Variants in MYO1D observed in about 807,000 individuals in gnomAD.
MYO1D encodes the protein unconventional myosin-Id.
A neutral mutation model predicts 122.0 loss-of-function variants in MYO1D; 83 were observed. That is an observed-to-expected ratio of 0.68 (90% CI 0.57 to 0.82). The LOEUF is 0.82. MYO1D is among the 40% of genes least tolerant of loss of function. The pLI is 0.00. For missense variants in MYO1D, 1,157 were observed against 1,269.5 expected (o/e 0.91, Z 1.35); for synonymous variants, 464 against 446.9 (o/e 1.04, Z -0.48).
At chr17:32,553,338 G>C (rs1266541130) in intron 21 of MYO1D, among the ~76,000 whole-genome samples, 1 of 152,198 alleles carries the variant, frequency 6.6e-6, no homozygotes, top group Non-Finnish European at 1.5e-5. Flanking sequence ...GCAGAAGGCT[G>C]AATAGGACTG....
chr17:32,674,014 G>T (rs1485623502), intron 16 of MYO1D, among the ~76,000 whole-genome samples: 1 of 152,150 alleles, frequency 6.6e-6, no homozygotes, highest in East Asian at 1.9e-4. Flanking sequence ...GAGATAACTG[G>T]GAAACAACTA....
At chr17:32,868,872 C>T (rs934454763) in intron 1 of MYO1D, among the ~76,000 whole-genome samples, 3 of 152,074 alleles carry the variant, frequency 2.0e-5, no homozygotes, top group Non-Finnish European at 4.4e-5. Flanking sequence ...ATTCTCTTTT[C>T]CCACAAATGC....
chr17:32,575,820 C>T (rs1597906843), intron 21 of MYO1D, among the ~76,000 whole-genome samples: 1 of 152,196 alleles, frequency 6.6e-6, no homozygotes, highest in South Asian at 2.1e-4. Context: ...CTTTGCTCAA[C>T]TACCTGTAGT....
chr17:32,646,002 T>C (rs2088288352), intron 19 of MYO1D, among the ~76,000 whole-genome samples: 1 of 152,192 alleles, frequency 6.6e-6, no homozygotes, highest in African/African-American at 2.4e-5. Flanking sequence ...TTTTCAGTTT[T>C]TCTGCTCTGT....
chr17:32,607,724 A>T (rs960073789), intron 20 of MYO1D, among the ~76,000 whole-genome samples: 33 of 152,300 alleles, frequency 2.2e-4, no homozygotes, highest in African/African-American at 7.9e-4. Context: ...GTAAATGAAG[A>T]ATAAAGTTGG....
intron 1 of MYO1D, among the ~76,000 whole-genome samples, chr17:32,875,730 T>C (rs1370253944): frequency 1.3e-5 from 2 of 152,186 alleles, no homozygotes; most frequent in African/African-American, 4.8e-5. Context: ...GGGTAGTTAA[T>C]AATGAAATTA....
intron 16 of MYO1D, among the ~76,000 whole-genome samples, chr17:32,668,077 T>C (rs1267856863): frequency 6.6e-6 from 1 of 152,236 alleles, no homozygotes; most frequent in East Asian, 1.9e-4. Context: ...AAACACTCTG[T>C]GGAGCTGTAG....
chr17:32,776,070 G>T, intron 3 of MYO1D, 41 bp from the exon 4 acceptor site: 2 of 1,571,312 alleles, frequency 1.3e-6, no homozygotes, highest in South Asian at 1.2e-5. Flanking sequence ...AAAACTTATA[G>T]AGACTAGAAT....
intron 21 of MYO1D, among the ~76,000 whole-genome samples, chr17:32,552,553 A>G (rs2087027789): frequency 6.6e-6 from 1 of 151,432 alleles, no homozygotes; most frequent in Non-Finnish European, 1.5e-5. Context: ...TTATCCATCC[A>G]TCCACTCTTT....
intron 20 of MYO1D, among the ~76,000 whole-genome samples, chr17:32,615,014 T>C (rs2087754073): frequency 1.3e-5 from 2 of 152,358 alleles, no homozygotes; most frequent in South Asian, 2.1e-4. Context: ...AGCAGAGGCA[T>C]GCTGGCCTCA....
At chr17:32,601,560 A>G (rs1292004845) in intron 21 of MYO1D, among the ~76,000 whole-genome samples, 1 of 152,196 alleles carries the variant, frequency 6.6e-6, no homozygotes, top group East Asian at 1.9e-4. Flanking sequence ...ATATTATGAG[A>G]ATTATCAAAA....
chr17:32,498,556 C>G (rs1397962593), intron 21 of MYO1D: 1 of 152,216 alleles, frequency 6.6e-6, no homozygotes, highest in Admixed American at 6.5e-5. Flanking sequence ...ACATGAAACC[C>G]GAGCTGGGAG....
At chr17:32,528,609 T>C (rs907774290) in intron 21 of MYO1D, among the ~76,000 whole-genome samples, 1 of 152,116 alleles carries the variant, frequency 6.6e-6, no homozygotes, top group Admixed American at 6.5e-5. Flanking sequence ...GATGGGATTA[T>C]GTAAGGCTGC....
intron 1 of MYO1D, among the ~76,000 whole-genome samples, chr17:32,841,979 G>T (rs897656846): frequency 7.2e-5 from 11 of 152,258 alleles, no homozygotes; most frequent in African/African-American, 2.4e-4. Context: ...GTCTAGGGAA[G>T]CACAGAAGTA....
intron 16 of MYO1D, among the ~76,000 whole-genome samples, chr17:32,668,204 CAG>C (rs991765921): frequency 4.6e-5 from 7 of 152,130 alleles, no homozygotes; most frequent in Non-Finnish European, 7.3e-5. Flanking sequence ...TGTAGAACTA[CAG>C]AGTTTTGGTC....
chr17:32,575,655 T>C (rs2087272310), intron 21 of MYO1D, among the ~76,000 whole-genome samples: 1 of 152,138 alleles, frequency 6.6e-6, no homozygotes, highest in African/African-American at 2.4e-5. Context: ...CTGGGGTGTG[T>C]TTCTCCTAAC....
intron 15 of MYO1D, among the ~76,000 whole-genome samples, chr17:32,719,796 G>A (rs1351397344): frequency 6.6e-6 from 1 of 152,108 alleles, no homozygotes. Context: ...AAATAGTTTA[G>A]TCTGATTACA....
intron 1 of MYO1D, among the ~76,000 whole-genome samples, chr17:32,801,102 CTAAG>C (rs2090457170): frequency 6.6e-6 from 1 of 152,086 alleles, no homozygotes; most frequent in South Asian, 2.1e-4. Flanking sequence ...AGCAGTTTCT[CTAAG>C]TGTCTATTAA....
At chr17:32,756,537 C>T (rs9895902) in intron 10 of MYO1D, among the ~76,000 whole-genome samples, 2,626 of 151,242 alleles carry the variant, frequency 0.017, 88 homozygotes, top group African/African-American at 0.06. Context: ...TGTTAACAAC[C>T]CTTTATCTCT....
Sources: allele counts gnomAD v4.1 joint callset (sites outside exome capture counted in the v4.1 genomes callset), GRCh38; gene constraint gnomAD v4.1.1; transcripts MANE v1.5; gene names NCBI Gene and HGNC (gene_info 2026-07-23, HGNC 2026-07-21).